CACNA2D3: variants seen among roughly 807,000 people sequenced by gnomAD.
CACNA2D3 encodes voltage-dependent calcium channel subunit alpha-2/delta-3.
In CACNA2D3, 60 loss-of-function variants were observed where a neutral mutation model predicts 160.6. The observed-to-expected ratio is 0.37, with a 90% CI of 0.30 to 0.46. CACNA2D3 has a LOEUF of 0.46. Among genes scored for constraint, CACNA2D3 ranks in the 20% least tolerant of loss-of-function variants. The probability of loss-of-function intolerance (pLI) is 1.00; values close to 1 mark genes in which losing one functional copy is unlikely to be tolerated. For missense variants in CACNA2D3, 1,205 were observed against 1,365.0 expected, an observed-to-expected ratio of 0.88 and a Z score of 1.85; for synonymous variants, 558 against 492.9, an observed-to-expected ratio of 1.13 and a Z score of -1.75.
At position 54,649,121 on chromosome 3, in the gene CACNA2D3, C is replaced by G. The variant is rs372201199; in HGVS notation, c.1167+6880C>G. ...TACTCCTTTTCATGCTGGAGCTTCT[C>G]TTACCAAAATGTTTAGCGGCCCTTT... On this transcript the variant is annotated intron_variant, in intron 11 of 37. Coordinates refer to ENST00000474759, the MANE Select transcript of CACNA2D3 (RefSeq NM_018398.3). 4.6e-5 allele frequency among the ~76,000 whole-genome samples: 7 copies of G among 152,304 alleles called. No individual in the cohort carries two copies. The East Asian group carries it at 9.6e-4, about 21-fold the overall frequency.
At chr3:54,700,088 A>T (rs1461366207) in intron 11 of CACNA2D3, among the ~76,000 whole-genome samples, 1 of 152,206 alleles carries the variant, frequency 6.6e-6, no homozygotes, top group African/African-American at 2.4e-5. Flanking sequence ...CTACCTAGTC[A>T]TAGCCCCTGG....
At chr3:54,258,148 T>C (rs113374079) in intron 2 of CACNA2D3, among the ~76,000 whole-genome samples, 13 of 152,112 alleles carry the variant, frequency 8.5e-5, no homozygotes, top group African/African-American at 3.1e-4. Context: ...CCTAGTGGAG[T>C]TGGGGATTTC....
At position 54,627,825 on chromosome 3, in the gene CACNA2D3, A is replaced by C. The variant is rs1457124159; in HGVS notation, c.1002A>C (p.Gly334=). 2 of 1,610,880 alleles carry C rather than the reference A, an allele frequency of 1.2e-6. No homozygotes were observed. The highest frequency in any genetic ancestry group is 1.7e-5 in the Admixed American group (1 of 59,720). ...ATCTGGACAAACTTTTCGCCAAAGG[A>C]ATTGGAATGTTGGATATAGCTCTGA... ...REHLDKLFAK[G]IGMLDIALNE... is the part of the protein sequence containing the mutation. Residue 334 remains glycine, a synonymous_variant, in exon 10 of 38, where the codon GGA becomes GGC. Transcript: ENST00000474759.
At chr3:54,467,044 A>G (rs1335702123) in intron 4 of CACNA2D3, among the ~76,000 whole-genome samples, 1 of 152,192 alleles carries the variant, frequency 6.6e-6, no homozygotes, top group African/African-American at 2.4e-5. Flanking sequence ...AAAGTTAAAT[A>G]TTTTTTGGTA....
chr3:54,836,821 T>G (rs1698701464), intron 14 of CACNA2D3, among the ~76,000 whole-genome samples: 1 of 152,130 alleles, frequency 6.6e-6, no homozygotes, highest in African/African-American at 2.4e-5. Flanking sequence ...AACATAAGTG[T>G]CTGGGAGGCA....
chr3:54,856,466 T>C (rs1193389025), intron 17 of CACNA2D3, among the ~76,000 whole-genome samples: 2 of 151,822 alleles, frequency 1.3e-5, no homozygotes, highest in Non-Finnish European at 2.9e-5. Context: ...CATCTTTCCC[T>C]CCCCCACCTG....
chr3:54,412,931 T>A (rs1699693660), intron 4 of CACNA2D3, among the ~76,000 whole-genome samples: 1 of 151,910 alleles, frequency 6.6e-6, no homozygotes, highest in Admixed American at 6.6e-5. Flanking sequence ...TCTAAAGAAA[T>A]TAATGTAAAG....
At chr3:54,705,436 C>T (rs1320985104) in intron 11 of CACNA2D3, among the ~76,000 whole-genome samples, 1 of 152,166 alleles carries the variant, frequency 6.6e-6, no homozygotes, top group Non-Finnish European at 1.5e-5. Flanking sequence ...GTCCCCAGCC[C>T]CTGGTAACAT....
At chr3:54,246,340 C>T (rs1429949560) in intron 2 of CACNA2D3, among the ~76,000 whole-genome samples, 1 of 152,098 alleles carries the variant, frequency 6.6e-6, no homozygotes, top group Admixed American at 6.5e-5. Flanking sequence ...CCTTGTAAGT[C>T]ACATGTTCTT....
intron 11 of CACNA2D3, among the ~76,000 whole-genome samples, chr3:54,711,825 C>T (rs1700959594): frequency 6.6e-6 from 1 of 152,212 alleles, no homozygotes; most frequent in Non-Finnish European, 1.5e-5. Flanking sequence ...ACATGCTTGC[C>T]ACTTGGAGTA....
At chr3:54,760,066 A>G (rs189178731) in intron 12 of CACNA2D3, among the ~76,000 whole-genome samples, 7 of 152,288 alleles carry the variant, frequency 4.6e-5, no homozygotes, top group Non-Finnish European at 1.0e-4. Flanking sequence ...TGTTCTTGGA[A>G]TATTGCTCCC....
rs531689182 is a variant in CACNA2D3, at chr3:54,135,118, T to C, written c.204+11524T>C. Among the ~76,000 whole-genome samples the C allele has an allele frequency of 2.0e-5, 3 of 152,322 alleles. No individual in the cohort carries two copies. In the East Asian group the frequency reaches 5.8e-4, roughly 29 times the overall value. ...TCGCCTTCACATGGGGTTGAGGCCC[T>C]GCCAGCATCAAGATGTGTGCGTGGT... is the stretch of plus-strand genomic sequence containing the variant. On this transcript the variant is annotated intron_variant, in intron 2 of 37. Coordinates refer to ENST00000474759, the MANE Select transcript of CACNA2D3 (RefSeq NM_018398.3).
rs562756398 is a variant in CACNA2D3, at chr3:54,723,143, G to A, written c.1168-29456G>A. ...GCCAGAGCAGCCTTGCTGAGCAGCA[G>A]TGGGCTACACCTAGTTCAAACTTCC... On this transcript the variant is annotated intron_variant, in intron 11 of 37. Coordinates refer to ENST00000474759, the MANE Select transcript of CACNA2D3 (RefSeq NM_018398.3). 2.6e-5 allele frequency among the ~76,000 whole-genome samples: 4 copies of A among 152,368 alleles called. No homozygotes were observed. The East Asian group carries it at 7.7e-4, about 29-fold the overall frequency.
At chr3:54,337,513 G>C (rs1039368953) in intron 3 of CACNA2D3, among the ~76,000 whole-genome samples, 3 of 152,148 alleles carry the variant, frequency 2.0e-5, no homozygotes, top group Non-Finnish European at 1.5e-5. Flanking sequence ...CATTGCTTAA[G>C]TTCTGCTGTC....
intron 17 of CACNA2D3, among the ~76,000 whole-genome samples, chr3:54,854,848 C>T (rs1042829035): frequency 3.3e-5 from 5 of 152,098 alleles, no homozygotes; most frequent in Non-Finnish European, 2.9e-5. Flanking sequence ...AAAGTAAATT[C>T]GGGTCAGTCT....
At chr3:54,995,209 G>A (rs1272792888) in intron 31 of CACNA2D3, among the ~76,000 whole-genome samples, 1 of 152,050 alleles carries the variant, frequency 6.6e-6, no homozygotes, top group Non-Finnish European at 1.5e-5. Flanking sequence ...CCTGACCTCA[G>A]GTGATCCAAC....
intron 18 of CACNA2D3, chr3:54,876,415 G>A (rs1699659309): frequency 6.6e-6 from 1 of 152,202 alleles, no homozygotes; most frequent in Non-Finnish European, 1.5e-5. Flanking sequence ...CCTCTGGCAA[G>A]GAGGACAGAA....
intron 27 of CACNA2D3, among the ~76,000 whole-genome samples, chr3:54,916,490 T>A (rs1338575320): frequency 6.6e-6 from 1 of 152,308 alleles, no homozygotes; most frequent in Non-Finnish European, 1.5e-5. Flanking sequence ...TTAAGGTATT[T>A]CAGTTTCTTT....
intron 27 of CACNA2D3, among the ~76,000 whole-genome samples, chr3:54,923,767 G>A (rs964314778): frequency 1.3e-5 from 2 of 152,162 alleles, no homozygotes; most frequent in African/African-American, 4.8e-5. Context: ...TCTCACCTGG[G>A]CTTCTGCTCT....
Sources: gnomAD v4.1 joint callset for allele counts (sites outside exome capture counted in the v4.1 genomes callset) on GRCh38, gnomAD v4.1.1 for gene constraint, MANE v1.5 for transcripts, NCBI Gene and HGNC (gene_info 2026-07-23, HGNC 2026-07-21) for gene names.